ZKSCAN7: variants seen among roughly 807,000 people sequenced by gnomAD.
ZKSCAN7 encodes zinc finger protein with KRAB and SCAN domains 7.
Under a neutral mutation model 65.3 loss-of-function variants are expected in ZKSCAN7, and 38 were observed. The ratio of observed to expected loss-of-function variants is 0.58; its 90% CI spans 0.45 to 0.76. The LOEUF (loss-of-function observed/expected upper bound fraction) is 0.76. Among genes scored for constraint, ZKSCAN7 ranks in the 30% least tolerant of loss-of-function variants. The pLI is 0.00. For synonymous variants in ZKSCAN7, 321 were observed against 321.0 expected (o/e 1.00, Z 0.00); for missense variants, 815 against 913.3 (o/e 0.89, Z 1.39).
intron 5 of ZKSCAN7, among the ~76,000 whole-genome samples, chr3:44,569,589 A>G (rs1009307966): frequency 2.6e-5 from 4 of 152,288 alleles, no homozygotes; most frequent in Middle Eastern, 3.4e-3. Flanking sequence ...TCACTTTACT[A>G]AGGAGACATA....
Position 44,570,351 on chromosome 3 carries a change from A to T in ZKSCAN7, c.1241A>T (p.Asn414Ile). 6.2e-7 allele frequency: 1 copy of T among 1,613,350 alleles called. No individual in the cohort carries two copies. ...ACTGGAGAGAAACCCTATGAGTGTA[A>T]TGAGTGTGGGAAGACCTTCAGGCAA... ...IHTGEKPYEC[N>I]ECGKTFRQTS... Residue 414 changes from asparagine to isoleucine, a missense_variant, in exon 6 of 6, where the codon AAT (asparagine) becomes ATT (isoleucine). Around this residue, in one of 3 missense-constraint regions of ZKSCAN7, gnomAD observed 578 missense variants for 629.5 expected, o/e 0.92. Transcript: ENST00000426540.
chr3:44,578,661 G>T (rs746237309), intron 5 of ZKSCAN7, among the ~76,000 whole-genome samples: 1 of 152,136 alleles, frequency 6.6e-6, no homozygotes, highest in African/African-American at 2.4e-5. Flanking sequence ...ATCTGGGACC[G>T]CTGGCTCTTC....
chr3:44,576,678 A>G (rs542552721), downstream of ZKSCAN7, among the ~76,000 whole-genome samples: 4 of 152,344 alleles, frequency 2.6e-5, no homozygotes, highest in African/African-American at 9.6e-5. Context: ...AGTAGGTGCT[A>G]TTAAAACTGT....
downstream of ZKSCAN7, among the ~76,000 whole-genome samples, chr3:44,573,254 T>C (rs1699856824): frequency 6.6e-6 from 1 of 152,236 alleles, no homozygotes; most frequent in South Asian, 2.1e-4. Flanking sequence ...TTTGCCTCTG[T>C]TGTCTACCTC....
chr3:44,575,466 AT>A (rs1272329251), downstream of ZKSCAN7, among the ~76,000 whole-genome samples: 1 of 152,260 alleles, frequency 6.6e-6, no homozygotes, highest in Non-Finnish European at 1.5e-5. Flanking sequence ...GACACATAGT[AT>A]ACACTATAAT....
chr3:44,563,819 G>T (rs1423261647), intron 2 of ZKSCAN7, among the ~76,000 whole-genome samples: 1 of 152,180 alleles, frequency 6.6e-6, no homozygotes, highest in Non-Finnish European at 1.5e-5. Context: ...TTATCACAGT[G>T]CAGTAAGTTC....
At chr3:44,575,470 A>G (rs952379492), downstream of ZKSCAN7, among the ~76,000 whole-genome samples, 3 of 152,258 alleles carry the variant, frequency 2.0e-5, no homozygotes, top group African/African-American at 7.2e-5. Flanking sequence ...CATAGTATAC[A>G]CTATAATAAA....
intron 2 of ZKSCAN7, among the ~76,000 whole-genome samples, chr3:44,557,753 G>C (rs1156452626): frequency 1.3e-5 from 2 of 152,172 alleles, no homozygotes; most frequent in East Asian, 3.9e-4. Context: ...CTGCATGCTG[G>C]TTAGAATAGG....
At position 44,568,313 on chromosome 3, in the gene ZKSCAN7, G is replaced by A. The variant is rs1351206353; in HGVS notation, c.691G>A (p.Val231Met). The change falls in exon 5 of 6, where the codon GTG (valine) becomes ATG (methionine). Residue 231 changes from valine (V) to methionine (M), a missense_variant. Val to Met is a conservative substitution (Grantham distance 21). Coordinates refer to ENST00000426540, the MANE Select transcript of ZKSCAN7 (RefSeq NM_001288590.2). ...TTGGAGCTTGTCATTCCAGGATACTGTGGCATATGAGGACCTATCTGTAGA... is the reference window on the plus strand; with the variant it reads ...TTGGAGCTTGTCATTCCAGGATACTATGGCATATGAGGACCTATCTGTAGA... ...VLRMVRPQDT[V>M]AYEDLSVDYT... is the part of the protein sequence containing the mutation. The A allele has an allele frequency of 3.1e-6, 5 of 1,612,330 alleles. No homozygotes were observed. Among genetic ancestry groups the A allele is most frequent in the Non-Finnish European group, 2.5e-6 (3 of 1,179,404 alleles).
chr3:44,558,782 AT>A (rs35709621), intron 2 of ZKSCAN7, among the ~76,000 whole-genome samples: 38,132 of 92,338 alleles, frequency 0.41, 4,763 homozygotes, highest in East Asian at 0.67. Flanking sequence ...TTTCTTCTTC[AT>A]TTTTTTTTTT....
chr3:44,570,086 A>C lies in ZKSCAN7; in HGVS notation c.976A>C (p.Thr326Pro). The change falls in exon 6 of 6, where the codon ACC (threonine) becomes CCC (proline). Residue 326 changes from threonine (T) to proline (P), a missense_variant. Physicochemically the swap from Thr to Pro is conservative, Grantham distance 38. Coordinates refer to ENST00000426540, the MANE Select transcript of ZKSCAN7 (RefSeq NM_001288590.2). ...TACTTTCAAGGAGTTAGAAGGACAA[A>C]CCTCAGATGAAGAAGGGAGCAGACT... ...EDTFKELEGQ[T>P]SDEEGSRLEN... is the part of the protein sequence containing the mutation. 1 of 1,613,938 alleles carries C rather than the reference A, an allele frequency of 6.2e-7. No homozygotes were observed. The highest frequency in any genetic ancestry group is 8.5e-7 in the Non-Finnish European group (1 of 1,179,958).
chr3:44,568,190 C>T, intron 4 of ZKSCAN7, 117 bp from the exon 5 acceptor site: 1 of 1,543,966 alleles, frequency 6.5e-7, no homozygotes, highest in Non-Finnish European at 8.8e-7. Context: ...GTCATCTCAG[C>T]TCCTCTCTCC....
At chr3:44,572,849 CA>C (rs11339297), downstream of ZKSCAN7, among the ~76,000 whole-genome samples, 29,385 of 72,164 alleles carry the variant, frequency 0.41, 4,221 homozygotes, top group East Asian at 0.71. Flanking sequence ...GACTCTGTCT[CA>C]AAAAAAAAAA....
At chr3:44,556,802 A>G in intron 1 of ZKSCAN7, 128 bp from the exon 2 acceptor site, 2 of 569,606 alleles carry the variant, frequency 3.5e-6, no homozygotes, top group Middle Eastern at 4.8e-4. Flanking sequence ...TCATTTGGAG[A>G]GATGCTTACT....
chr3:44,559,106 T>G (rs187975394), intron 2 of ZKSCAN7, among the ~76,000 whole-genome samples: 6 of 152,146 alleles, frequency 3.9e-5, no homozygotes, highest in Admixed American at 3.9e-4. Context: ...AACTTTTAGC[T>G]TTGCTTTTAA....
intron 5 of ZKSCAN7, chr3:44,580,618 T>G: frequency 6.2e-7 from 1 of 1,613,852 alleles, no homozygotes; most frequent in Non-Finnish European, 8.5e-7. Flanking sequence ...CCACTGACGA[T>G]CTCCTTGGTC....
Position 44,567,761 on chromosome 3 carries a change from A to G in ZKSCAN7, c.593-151A>G, listed in dbSNP as rs147062893. The stretch of plus-strand genomic sequence containing the variant: ...ACTGTACCCTCCAGGGAAAATTCAC[A>G]CCACTCTTGGGATAATGCCTTATGG... On this transcript the variant is annotated intron_variant, in intron 3 of 5. Coordinates refer to ENST00000426540, the MANE Select transcript of ZKSCAN7 (RefSeq NM_001288590.2). 3.2e-3 allele frequency: 1,774 copies of G among 561,376 alleles called. 27 individuals are homozygous for G. Among genetic ancestry groups the G allele is most frequent in the African/African-American group, 0.031 (1,616 of 52,868 alleles). The allele number at this position is 561,376 out of a possible 1,614,324, so 34.8% of individuals were successfully genotyped here.
At chr3:44,572,219 A>G (rs1011248994), downstream of ZKSCAN7, 11 of 985,260 alleles carry the variant, frequency 1.1e-5, no homozygotes, top group Admixed American at 6.8e-4. Flanking sequence ...CAGCTGGACC[A>G]GCTGCTTCTA....
chr3:44,571,513 G>T lies in ZKSCAN7; in HGVS notation c.*138G>T. ...TGCTTTTCCTTGGATCACTAAGGTGGGAGAGTAGGAGTAACTTATTCCAGT... is the reference window on the plus strand; with the variant it reads ...TGCTTTTCCTTGGATCACTAAGGTGTGAGAGTAGGAGTAACTTATTCCAGT... On this transcript the variant is annotated 3_prime_UTR_variant, in exon 6 of 6. Coordinates refer to ENST00000426540, the MANE Select transcript of ZKSCAN7 (RefSeq NM_001288590.2). 6.4e-7 allele frequency: 1 copy of T among 1,572,008 alleles called. No homozygotes were observed. The highest frequency in any genetic ancestry group is 8.6e-7 in the Non-Finnish European group (1 of 1,163,548).
Sources: gnomAD v4.1 joint callset for allele counts (sites outside exome capture counted in the v4.1 genomes callset) on GRCh38, gnomAD v4.1.1 for gene constraint, gnomAD v4.1.1 regional missense constraint, MANE v1.5 for transcripts, NCBI Gene and HGNC (gene_info 2026-07-23, HGNC 2026-07-21) for gene names.